The following PCDHGA6 variants were observed in gnomAD, a reference collection of about 807,000 sequenced individuals.
PCDHGA6 encodes the protein protocadherin gamma-A6.
Under a neutral mutation model 60.6 loss-of-function variants are expected in PCDHGA6, and 41 were observed. That is an observed-to-expected ratio of 0.68 (90% CI 0.53 to 0.88). The LOEUF (loss-of-function observed/expected upper bound fraction) is 0.88. PCDHGA6 is among the 40% of genes least tolerant of loss of function. The pLI, the probability that PCDHGA6 is intolerant of heterozygous loss-of-function variation, is 0.00. For missense variants in PCDHGA6, 1,312 were observed against 1,203.0 expected (o/e 1.09, Z -1.34); for synonymous variants, 594 against 524.4 (o/e 1.13, Z -1.81).
chr5:141,455,283 C>G (rs1225185590), intron 1 of PCDHGA6, among the ~76,000 whole-genome samples: 1 of 152,000 alleles, frequency 6.6e-6, no homozygotes, highest in East Asian at 1.9e-4. Context: ...ATTAACATCA[C>G]TTTACATAGT....
chr5:141,475,116 C>G (rs1383017919), intron 1 of PCDHGA6, among the ~76,000 whole-genome samples: 2 of 152,128 alleles, frequency 1.3e-5, no homozygotes, highest in African/African-American at 4.8e-5. Context: ...GTAAATAGGC[C>G]TGGCTTTTTT....
intron 1 of PCDHGA6, chr5:141,423,553 T>G: frequency 2.5e-6 from 4 of 1,613,548 alleles, no homozygotes; most frequent in Non-Finnish European, 3.4e-6. Flanking sequence ...CCAGCCCAAC[T>G]ATGGGGACAC....
Position 141,375,790 on chromosome 5 carries a change from A to G in PCDHGA6, c.1707A>G (p.Thr569=), listed in dbSNP as rs1284123678. The change falls in exon 1 of 4, where the codon ACA becomes ACG. Residue 569 remains threonine (T), a synonymous_variant. Transcript: ENST00000517434. ...AGATCCTGTACCCCGCCCTCCCCAC[A>G]GACGGTTCCACTGGCGTGGAGCTGG... is the stretch of plus-strand genomic sequence containing the variant. ...APEILYPALP[T]DGSTGVELAP... 9 of 1,614,216 alleles carry G rather than the reference A, an allele frequency of 5.6e-6. No homozygotes were observed. The highest frequency in any genetic ancestry group is 2.7e-5 in the African/African-American group (2 of 75,078).
chr5:141,408,184 G>A, intron 1 of PCDHGA6: 1 of 1,541,100 alleles, frequency 6.5e-7, no homozygotes, highest in Non-Finnish European at 8.8e-7. Flanking sequence ...CGGGGACCCA[G>A]CGAGAACCCG....
rs2099730037 is a variant in PCDHGA6 at position 141,491,783 on chromosome 5, A to G, written c.2425-3024A>G. The G allele has an allele frequency of 1.3e-6, 2 of 1,539,618 alleles. No homozygotes were observed. The highest frequency in any genetic ancestry group is 2.2e-5 in the Admixed American group (1 of 46,412). On this transcript the variant is annotated intron_variant, in intron 1 of 3. Transcript: ENST00000517434. The surrounding 1 kb of genome is among the most constrained non-coding windows in gnomAD (Gnocchi z 6.9). ...CGTCCTCATAAGGGATTGAACTTGC[A>G]TCCACTCCTCTCCGGCCGGCTTGGT...
intron 1 of PCDHGA6, among the ~76,000 whole-genome samples, chr5:141,453,670 G>A (rs191035462): frequency 2.5e-4 from 38 of 152,224 alleles, no homozygotes; most frequent in Middle Eastern, 6.8e-3. Context: ...TACACAAAAG[G>A]TAACACACTA....
intron 1 of PCDHGA6, chr5:141,422,655 C>G (rs188587553): frequency 1.2e-6 from 2 of 1,610,122 alleles, no homozygotes; most frequent in South Asian, 2.2e-5. Context: ...TCTCAGTGAC[C>G]GCCCTCGACC....
chr5:141,375,488 G>A lies in PCDHGA6; in HGVS notation c.1405G>A (p.Ala469Thr). ...TGTCCTTGAAAACAACCCCAGGGGT[G>A]CCTCCATCTTCTCTGTGAATGCACT... ...VYVLENNPRG[A>T]SIFSVNALDP... Residue 469 changes from alanine to threonine, a missense_variant, in exon 1 of 4, where the codon GCC becomes ACC. By Grantham distance (58) the Ala-to-Thr change is moderately conservative. Transcript: ENST00000517434. The A allele has an allele frequency of 6.2e-7, 1 of 1,613,976 alleles. No homozygotes were observed. The highest frequency in any genetic ancestry group is 2.2e-5 in the East Asian group (1 of 44,864).
intron 1 of PCDHGA6, chr5:141,385,196 G>C (rs760255338): frequency 3.7e-5 from 60 of 1,614,112 alleles, no homozygotes; most frequent in Non-Finnish European, 5.1e-5. Flanking sequence ...TCTCGGAAGA[G>C]TCACCTGATC....
At chr5:141,423,026 G>A in intron 1 of PCDHGA6, 2 of 1,614,210 alleles carry the variant, frequency 1.2e-6, no homozygotes, top group African/African-American at 1.3e-5. Flanking sequence ...AAAGATTCAG[G>A]CCAGAACGCC....
intron 3 of PCDHGA6, among the ~76,000 whole-genome samples, chr5:141,506,799 A>G (rs1026030023): frequency 5.3e-5 from 8 of 152,198 alleles, no homozygotes; most frequent in Admixed American, 3.9e-4. Flanking sequence ...CTGGCAGAGG[A>G]TCAAGGCATT....
At chr5:141,452,201 T>G (rs552947721) in intron 1 of PCDHGA6, among the ~76,000 whole-genome samples, 131 of 152,376 alleles carry the variant, frequency 8.6e-4, no homozygotes, top group Middle Eastern at 6.8e-3. Context: ...TTGTTTTAGA[T>G]GTTACCAATA....
intron 1 of PCDHGA6, among the ~76,000 whole-genome samples, chr5:141,454,989 T>C (rs1460420144): frequency 6.6e-6 from 1 of 151,506 alleles, no homozygotes; most frequent in East Asian, 2.0e-4. Context: ...TTAAAAAATA[T>C]TTTTAGTAGA....
chr5:141,396,477 A>C (rs920260792), intron 1 of PCDHGA6: 1 of 152,040 alleles, frequency 6.6e-6, no homozygotes, highest in Non-Finnish European at 1.5e-5. Context: ...AAAATTAGCC[A>C]GGCATGGTGG....
intron 3 of PCDHGA6, among the ~76,000 whole-genome samples, chr5:141,506,781 T>C (rs965408564): frequency 1.4e-4 from 22 of 152,168 alleles, no homozygotes; most frequent in African/African-American, 5.3e-4. Context: ...CCTGGGCTTA[T>C]AAGGAGGCTG....
chr5:141,494,756 A>G (rs780402065), intron 1 of PCDHGA6, 51 bp from the exon 2 acceptor site: 2 of 1,613,460 alleles, frequency 1.2e-6, no homozygotes, highest in South Asian at 1.1e-5. Context: ...CTCGGGTGAC[A>G]TTCTAACTTC....
At position 141,437,148 on chromosome 5, in the gene PCDHGA6, A is replaced by T. The variant is rs1196014608; in HGVS notation, c.2425-57659A>T. ...GTTGATAATTTAGGATTCATAATTA[A>T]CATATGTGTTGATTGTTTTCTGAGA... is the stretch of plus-strand genomic sequence containing the variant. On this transcript the variant is annotated intron_variant, in intron 1 of 3. Coordinates refer to ENST00000517434, the MANE Select transcript of PCDHGA6 (RefSeq NM_018919.3). Among the ~76,000 whole-genome samples the T allele has an allele frequency of 2.0e-5, 3 of 152,214 alleles. No individual in the cohort carries two copies. In the East Asian group the frequency reaches 5.8e-4, roughly 29 times the overall value.
chr5:141,491,414 G>C lies in PCDHGA6; in HGVS notation c.2425-3393G>C, dbSNP rs137987971. 35 of 1,614,008 alleles carry C rather than the reference G, an allele frequency of 2.2e-5. No homozygotes were observed. Among genetic ancestry groups the C allele is most frequent in the African/African-American group, 1.3e-4 (10 of 74,910 alleles). On this transcript the variant is annotated intron_variant, in intron 1 of 3. Coordinates refer to ENST00000517434, the MANE Select transcript of PCDHGA6 (RefSeq NM_018919.3). The surrounding 1 kb of genome is among the most constrained non-coding windows in gnomAD (Gnocchi z 6.9). ...CTTCAGGGAAACGCAGACGGGGACG[G>C]GGGTGGAGGGCAGTGCTGCAGGCGC...
rs758132181 is a variant in PCDHGA6, at chr5:141,486,827, C to T, written c.2425-7980C>T. On this transcript the variant is annotated intron_variant, in intron 1 of 3. Coordinates refer to ENST00000517434, the MANE Select transcript of PCDHGA6 (RefSeq NM_018919.3). This position sits in a 1 kb window ranked among gnomAD's most constrained non-coding sequence, Gnocchi z 5.0. The stretch of plus-strand genomic sequence containing the variant: ...ACCCCTTAGCAGCACTGTAACAGTT[C>T]GTCTATTTGTGCTGGACCTCAATGA... 10 of 1,614,110 alleles carry T rather than the reference C, an allele frequency of 6.2e-6. No individual in the cohort carries two copies. The African/African-American group carries it at 8.0e-5, about 13-fold the overall frequency.
Sources: allele counts gnomAD v4.1 joint callset (sites outside exome capture counted in the v4.1 genomes callset), GRCh38; gene constraint gnomAD v4.1.1; non-coding constraint Gnocchi (gnomAD v3.1); transcripts MANE v1.5; gene names NCBI Gene and HGNC (gene_info 2026-07-23, HGNC 2026-07-21).